The following RPS6KA2 variants were observed in gnomAD, a reference collection of about 807,000 sequenced individuals.
The protein encoded by RPS6KA2 is ribosomal protein S6 kinase A2, also known as ribosomal protein S6 kinase alpha-2.
In RPS6KA2, 42 loss-of-function variants were observed where a neutral mutation model predicts 91.8. That is an observed-to-expected ratio of 0.46 (90% CI 0.36 to 0.59). The LOEUF is 0.59. Ranked by LOEUF, RPS6KA2 falls within the 20% of genes least tolerant of loss-of-function variation. The pLI is 0.00. For synonymous variants in RPS6KA2, 414 were observed against 393.6 expected (o/e 1.05, Z -0.61); for missense variants, 798 against 978.5 (o/e 0.82, Z 2.46).
intron 14 of RPS6KA2, among the ~76,000 whole-genome samples, chr6:166,446,695 G>A (rs1284941839): frequency 1.3e-5 from 2 of 152,172 alleles, no homozygotes; most frequent in African/African-American, 4.8e-5. Flanking sequence ...CCTCGTCACT[G>A]GGGGATTTAC....
At chr6:166,861,096 G>A (rs1489151990) in intron 1 of RPS6KA2, among the ~76,000 whole-genome samples, 1 of 152,162 alleles carries the variant, frequency 6.6e-6, no homozygotes, top group Non-Finnish European at 1.5e-5. Flanking sequence ...GGCTTTCCAA[G>A]AAAACTATTC....
chr6:166,604,146 TAA>T (rs1227077715), intron 1 of RPS6KA2, among the ~76,000 whole-genome samples: 14 of 152,320 alleles, frequency 9.2e-5, no homozygotes. Context: ...CAACTCTACG[TAA>T]AATGCATCTG....
At chr6:166,823,853 T>C (rs898320090) in intron 2 of RPS6KA2, among the ~76,000 whole-genome samples, 9 of 152,224 alleles carry the variant, frequency 5.9e-5, no homozygotes, top group Non-Finnish European at 2.9e-5. Flanking sequence ...TAAAAGGTCT[T>C]ACGATACCAC....
intron 2 of RPS6KA2, among the ~76,000 whole-genome samples, chr6:166,785,277 C>A (rs936109342): frequency 6.6e-6 from 1 of 152,182 alleles, no homozygotes; most frequent in Admixed American, 6.5e-5. Context: ...CTCTTCACCC[C>A]TCATGTGCCA....
At position 166,852,046 on chromosome 6, in the gene RPS6KA2, C is replaced by T. The variant is rs1780758112; in HGVS notation, c.123+6154G>A. Among the ~76,000 whole-genome samples, 1 of 152,198 alleles carries T rather than the reference C, an allele frequency of 6.6e-6. No homozygotes were observed. The highest frequency in any genetic ancestry group is 1.5e-5 in the Non-Finnish European group (1 of 68,038). On this transcript the variant is annotated intron_variant, in intron 2 of 21. Transcript: ENST00000503859. This position sits in a 1 kb window ranked among gnomAD's most constrained non-coding sequence, Gnocchi z 4.1. ...TGTTATTCTCACCCGCTCCACAGTG[C>T]GTCTAAACACAGATGGGCCTGCAGT...
intron 19 of RPS6KA2, among the ~76,000 whole-genome samples, chr6:166,416,600 G>GCCA (rs1778536248): frequency 6.7e-6 from 1 of 148,832 alleles, no homozygotes. Context: ...CGCCACCTCT[G>GCCA]CCACCACTTC....
chr6:166,673,760 T>C (rs1379234819), intron 2 of RPS6KA2, among the ~76,000 whole-genome samples: 1 of 152,252 alleles, frequency 6.6e-6, no homozygotes, highest in African/African-American at 2.4e-5. Flanking sequence ...CATCAGCTAT[T>C]GTTAGTGTAT....
chr6:166,614,969 G>T (rs978484874), intron 1 of RPS6KA2, among the ~76,000 whole-genome samples: 1 of 152,128 alleles, frequency 6.6e-6, no homozygotes, highest in Non-Finnish European at 1.5e-5. Context: ...CCAGGCTTAG[G>T]CTGTGGCTTT....
In RPS6KA2 at chr6:166,424,472, G is replaced by A. The variant is rs543144435; in HGVS notation, c.1582-1055C>T. Among the ~76,000 whole-genome samples the A allele has an allele frequency of 3.8e-4, 58 of 152,322 alleles. No homozygotes were observed. The East Asian group carries it at 7.3e-3, about 19-fold the overall frequency. On this transcript the variant is annotated intron_variant, in intron 16 of 20. Transcript: ENST00000265678. ...GCTAAGACAGTATTTCCTGCTTCAGGAGAAACACTGGGAAGAGATGGCGCA... is the reference window on the plus strand; with the variant it reads ...GCTAAGACAGTATTTCCTGCTTCAGAAGAAACACTGGGAAGAGATGGCGCA...
chr6:166,427,744 AG>A (rs1463040726), intron 16 of RPS6KA2, among the ~76,000 whole-genome samples: 1 of 152,208 alleles, frequency 6.6e-6, no homozygotes, highest in Non-Finnish European at 1.5e-5. Flanking sequence ...CCAACTTACA[AG>A]GGACGTGAAG....
chr6:166,612,154 A>G lies in RPS6KA2; in HGVS notation c.99+14767T>C, dbSNP rs1029618023. Among the ~76,000 whole-genome samples the G allele has an allele frequency of 5.3e-5, 8 of 151,988 alleles. No individual in the cohort carries two copies. Among genetic ancestry groups the G allele is most frequent in the African/African-American group, 1.9e-4 (8 of 41,362 alleles). Reference sequence around the variant, plus strand: ...CCAACATCAAGATGCAAGGGCCGCAATCTGAGTGTGAGGGCCAGGGAACTC... The same window carrying G: ...CCAACATCAAGATGCAAGGGCCGCAGTCTGAGTGTGAGGGCCAGGGAACTC... On this transcript the variant is annotated intron_variant, in intron 1 of 20. Transcript: ENST00000265678. The surrounding 1 kb of genome is among the most constrained non-coding windows in gnomAD (Gnocchi z 4.3).
chr6:166,510,398 T>TA lies in RPS6KA2; in HGVS notation c.299-42dup, dbSNP rs767506058. The TA allele has an allele frequency of 6.6e-6, 9 of 1,369,320 alleles. No individual in the cohort carries two copies. In the African/African-American group the frequency reaches 7.3e-5, roughly 11 times the overall value. 84.8% of individuals were successfully genotyped at this position (1,369,320 alleles called of 1,614,324 possible). On this transcript the variant is annotated intron_variant, in intron 3 of 20. Coordinates refer to ENST00000265678, the MANE Select transcript of RPS6KA2 (RefSeq NM_021135.6). The stretch of plus-strand genomic sequence containing the variant: ...ATAAAGGCTTTCATGAGGCAGGAAA[T>TA]AAGAGTTCTGAGGAACACTGAACAT...
At chr6:166,564,391 TC>T (rs1366296816) in intron 1 of RPS6KA2, among the ~76,000 whole-genome samples, 1 of 152,104 alleles carries the variant, frequency 6.6e-6, no homozygotes, top group Non-Finnish European at 1.5e-5. Flanking sequence ...TGGGGCAGAT[TC>T]CCCCTCAGCC....
At chr6:166,631,300 A>T (rs777298572), upstream of RPS6KA2, among the ~76,000 whole-genome samples, 3 of 152,238 alleles carry the variant, frequency 2.0e-5, no homozygotes, top group Middle Eastern at 3.2e-3. Context: ...GTGGAAACCC[A>T]CAGGCCAGTT....
At chr6:166,687,286 TA>T (rs1789053360) in intron 2 of RPS6KA2, among the ~76,000 whole-genome samples, 1 of 152,194 alleles carries the variant, frequency 6.6e-6, no homozygotes, top group Admixed American at 6.5e-5. Flanking sequence ...AGGGGATCAT[TA>T]GACCCAAATT....
rs140431150 is a variant in RPS6KA2 at position 166,786,416 on chromosome 6, G to A, written c.123+71784C>T. 7.9e-5 allele frequency among the ~76,000 whole-genome samples: 12 copies of A among 152,222 alleles called. No homozygotes were observed. The East Asian group carries it at 2.3e-3, about 29-fold the overall frequency. ...TGATTGTTAATATGGCCATGAAAAT[G>A]GGAGAAAATGGTGACAAAACTGATT... On this transcript the variant is annotated intron_variant, in intron 2 of 21. Coordinates refer to the RPS6KA2 transcript ENST00000503859.
In RPS6KA2 at chr6:166,665,908, CA is replaced by C. The variant is rs1788302468; in HGVS notation, c.124-127125del. The stretch of plus-strand genomic sequence containing the variant: ...GCCTGCTTCCTGGGCAGGAAATTCA[CA>C]TGTGAAATCCAGTTTCTGAGAGGCT... On this transcript the variant is annotated intron_variant, in intron 2 of 21. Coordinates refer to the RPS6KA2 transcript ENST00000503859. This position sits in a 1 kb window ranked among gnomAD's most constrained non-coding sequence, Gnocchi z 4.5. 6.6e-6 allele frequency among the ~76,000 whole-genome samples: 1 copy of C among 152,214 alleles called. No individual in the cohort carries two copies. Among genetic ancestry groups the C allele is most frequent in the Non-Finnish European group, 1.5e-5 (1 of 68,046 alleles).
chr6:166,712,797 G>A (rs375382463), intron 2 of RPS6KA2, among the ~76,000 whole-genome samples: 1 of 152,212 alleles, frequency 6.6e-6, no homozygotes, highest in Non-Finnish European at 1.5e-5. Context: ...ATGTTGCCAC[G>A]TGGTCAATGG....
chr6:166,735,571 C>T (rs1790652214), intron 2 of RPS6KA2, among the ~76,000 whole-genome samples: 1 of 152,212 alleles, frequency 6.6e-6, no homozygotes, highest in African/African-American at 2.4e-5. Flanking sequence ...TTTCCCGCAA[C>T]TAAACGGTCT....
Sources: allele counts gnomAD v4.1 joint callset (sites outside exome capture counted in the v4.1 genomes callset), GRCh38; gene constraint gnomAD v4.1.1; non-coding constraint Gnocchi (gnomAD v3.1); transcripts MANE v1.5; gene names NCBI Gene and HGNC (gene_info 2026-07-23, HGNC 2026-07-21).